TBXAS1: variants seen among roughly 807,000 people sequenced by gnomAD.
TBXAS1 encodes thromboxane-A synthase.
TBXAS1 carries 48 observed loss-of-function variants against 60.7 expected under a neutral mutation model. That is an observed-to-expected ratio of 0.79 (90% CI 0.63 to 1.01). TBXAS1 has a LOEUF of 1.01. Among genes scored for constraint, TBXAS1 ranks in the 50% least tolerant of loss-of-function variants. The pLI is 0.00. For missense variants in TBXAS1, 685 were observed against 686.3 expected (o/e 1.00, Z 0.02); for synonymous variants, 287 against 269.7 (o/e 1.06, Z -0.63).
At chr7:139,978,171 GGTCAA>G (rs1186775685) in intron 9 of TBXAS1, among the ~76,000 whole-genome samples, 1 of 151,988 alleles carries the variant, frequency 6.6e-6, no homozygotes, top group Admixed American at 6.6e-5. Flanking sequence ...GATCCTGTGG[GGTCAA>G]GTCTTCAATA....
intron 3 of TBXAS1, among the ~76,000 whole-genome samples, chr7:139,880,211 T>G (rs923419844): frequency 3.3e-5 from 5 of 152,218 alleles, no homozygotes; most frequent in African/African-American, 1.2e-4. Context: ...ATGCTTGCTC[T>G]ATAGTTCTGC....
intron 3 of TBXAS1, among the ~76,000 whole-genome samples, chr7:139,904,187 C>T (rs1304293885): frequency 6.6e-6 from 1 of 152,062 alleles, no homozygotes; most frequent in Non-Finnish European, 1.5e-5. Context: ...ATCCCAGCAT[C>T]GTTTATTGAA....
chr7:139,875,449 A>C, intron 2 of TBXAS1, 136 bp from the exon 3 acceptor site: 1 of 779,808 alleles, frequency 1.3e-6, no homozygotes, highest in Non-Finnish European at 2.2e-6. Flanking sequence ...AAAGTACCTG[A>C]AAGCAATATA....
chr7:140,003,896 C>CCA (rs1403516907), intron 9 of TBXAS1, among the ~76,000 whole-genome samples: 1 of 152,184 alleles, frequency 6.6e-6, no homozygotes, highest in Non-Finnish European at 1.5e-5. Flanking sequence ...AAGATGCCAC[C>CCA]CACAGGGTTA....
At chr7:139,923,715 T>C (rs866654546) in intron 4 of TBXAS1, among the ~76,000 whole-genome samples, 6 of 152,046 alleles carry the variant, frequency 3.9e-5, no homozygotes, top group Middle Eastern at 3.2e-3. Flanking sequence ...TTATTGACTA[T>C]AGTCACCAAA....
At chr7:139,870,338 T>C (rs541804361) in intron 1 of TBXAS1, among the ~76,000 whole-genome samples, 2 of 152,224 alleles carry the variant, frequency 1.3e-5, no homozygotes, top group Non-Finnish European at 2.9e-5. Context: ...AATTATGTGG[T>C]CCAAGGTCTA....
intron 1 of TBXAS1, among the ~76,000 whole-genome samples, chr7:139,835,565 C>T (rs1017016263): frequency 6.6e-6 from 1 of 152,148 alleles, no homozygotes. Flanking sequence ...AAGCATTTGA[C>T]AAAATCTGGC....
chr7:139,791,145 C>G (rs895720993), intron 4 of TBXAS1, among the ~76,000 whole-genome samples: 1 of 152,188 alleles, frequency 6.6e-6, no homozygotes, highest in Non-Finnish European at 1.5e-5. Flanking sequence ...CAAAAAAGAA[C>G]CCAGAAACAC....
At chr7:139,856,080 T>G (rs1361439088) in intron 1 of TBXAS1, among the ~76,000 whole-genome samples, 1 of 152,186 alleles carries the variant, frequency 6.6e-6, no homozygotes, top group Non-Finnish European at 1.5e-5. Flanking sequence ...CTTCTTTTGA[T>G]GTGCTAAGAT....
rs1290501963 is a variant in TBXAS1, at chr7:140,020,126, G to A, written c.*27G>A. 1.2e-5 allele frequency: 17 copies of A among 1,374,616 alleles called. No individual in the cohort carries two copies. Among genetic ancestry groups the A allele is most frequent in the East Asian group, 2.4e-5 (1 of 41,118 alleles). 85.2% of individuals were successfully genotyped at this position (1,374,616 alleles called of 1,614,324 possible). A position where few individuals can be genotyped will look rare whatever the true frequency, so the allele number is the denominator to read the frequency against. The stretch of plus-strand genomic sequence containing the variant: ...ACAGAAGGCTGCCGGGTGGGGGGAG[G>A]GCACCCCCAAATTCAAAGAAAACCC... On this transcript the variant is annotated 3_prime_UTR_variant, in exon 13 of 13. Transcript: ENST00000448866.
intron 4 of TBXAS1, among the ~76,000 whole-genome samples, chr7:139,787,677 C>T (rs1358660662): frequency 1.3e-5 from 2 of 152,088 alleles, no homozygotes; most frequent in African/African-American, 2.4e-5. Context: ...GGGCATTAGG[C>T]GTGAAACCTA....
chr7:139,964,542 G>A (rs1459498149), intron 9 of TBXAS1, among the ~76,000 whole-genome samples: 1 of 152,180 alleles, frequency 6.6e-6, no homozygotes, highest in Non-Finnish European at 1.5e-5. Flanking sequence ...TGCTGTCCCA[G>A]GAAGGCATTA....
At chr7:140,007,633 C>CA (rs922847916) in intron 10 of TBXAS1, among the ~76,000 whole-genome samples, 43 of 152,282 alleles carry the variant, frequency 2.8e-4, no homozygotes, top group African/African-American at 1.0e-3. Flanking sequence ...AGGGGACTGT[C>CA]TGAGTCCTGG....
intron 3 of TBXAS1, among the ~76,000 whole-genome samples, chr7:139,891,471 A>G (rs1803612134): frequency 6.6e-6 from 1 of 152,074 alleles, no homozygotes; most frequent in Non-Finnish European, 1.5e-5. Context: ...TGTGGCTAGT[A>G]AGAGGTGTGA....
intron 1 of TBXAS1, among the ~76,000 whole-genome samples, chr7:139,866,536 T>G (rs1158665794): frequency 6.6e-6 from 1 of 151,226 alleles, no homozygotes; most frequent in Non-Finnish European, 1.5e-5. Flanking sequence ...GGCAGATCGC[T>G]TGAGCCCAGG....
chr7:139,831,153 G>A (rs1023911072), intron 1 of TBXAS1, among the ~76,000 whole-genome samples: 1 of 152,158 alleles, frequency 6.6e-6, no homozygotes, highest in Admixed American at 6.5e-5. Flanking sequence ...TACAAGGTCA[G>A]GAAGCAGGAG....
intron 2 of TBXAS1, among the ~76,000 whole-genome samples, chr7:139,781,878 T>C (rs1355477138): frequency 6.7e-6 from 1 of 148,920 alleles, no homozygotes; most frequent in Non-Finnish European, 1.5e-5. Flanking sequence ...AGGCATCAAT[T>C]GGATTTAGCA....
At chr7:139,950,452 C>T (rs575634488) in intron 5 of TBXAS1, among the ~76,000 whole-genome samples, 1 of 152,306 alleles carries the variant, frequency 6.6e-6, no homozygotes, top group Non-Finnish European at 1.5e-5. Context: ...CAAGATGGCT[C>T]TCCCTCCATG....
At chr7:139,849,390 C>A (rs1800050337) in intron 1 of TBXAS1, among the ~76,000 whole-genome samples, 1 of 134,496 alleles carries the variant, frequency 7.4e-6, no homozygotes, top group South Asian at 2.2e-4. Context: ...ACACAAAAAA[C>A]AAAAAACAAC....
Sources: allele counts gnomAD v4.1 joint callset (sites outside exome capture counted in the v4.1 genomes callset), GRCh38; gene constraint gnomAD v4.1.1; transcripts MANE v1.5; gene names NCBI Gene and HGNC (gene_info 2026-07-23, HGNC 2026-07-21).